The following SLC30A8 variants were observed in gnomAD, a reference collection of about 807,000 sequenced individuals.
The protein encoded by SLC30A8 is proton-coupled zinc antiporter SLC30A8.
In SLC30A8, 27 loss-of-function variants were observed where a neutral mutation model predicts 36.9. That is an observed-to-expected ratio of 0.73 (90% CI 0.54 to 1.01). The LOEUF is 1.01. Ranked by LOEUF, SLC30A8 falls within the 50% of genes least tolerant of loss-of-function variation. The probability of loss-of-function intolerance (pLI) is 0.00; values close to 1 mark genes in which losing one functional copy is unlikely to be tolerated. For synonymous variants in SLC30A8, 164 were observed against 172.4 expected, an observed-to-expected ratio of 0.95 and a Z score of 0.38; for missense variants, 439 against 452.0, an observed-to-expected ratio of 0.97 and a Z score of 0.26.
intron 1 of SLC30A8, among the ~76,000 whole-genome samples, chr8:116,978,943 A>T (rs1355126107): frequency 1.4e-4 from 20 of 144,230 alleles, no homozygotes; most frequent in African/African-American, 3.1e-4. Context: ...TTTTTTTTTT[A>T]AATCATAAGG....
intron 1 of SLC30A8, among the ~76,000 whole-genome samples, chr8:116,987,670 C>T (rs1373076488): frequency 6.6e-6 from 1 of 151,706 alleles, no homozygotes; most frequent in African/African-American, 2.4e-5. Context: ...GAAGTGTGTC[C>T]TTAATACTTT....
At chr8:116,952,236 TATC>T (rs1377288800) in intron 1 of SLC30A8, among the ~76,000 whole-genome samples, 2 of 152,308 alleles carry the variant, frequency 1.3e-5, no homozygotes, top group Non-Finnish European at 2.9e-5. Flanking sequence ...GAGGTGGACA[TATC>T]ATGACAGGCC....
At chr8:117,012,414 T>G (rs1338042579) in intron 1 of SLC30A8, among the ~76,000 whole-genome samples, 2 of 151,750 alleles carry the variant, frequency 1.3e-5, no homozygotes, top group African/African-American at 4.8e-5. Context: ...ATTGAAAATA[T>G]TAAAAAAAAA....
intron 2 of SLC30A8, among the ~76,000 whole-genome samples, chr8:117,107,270 A>C (rs1820035611): frequency 6.6e-6 from 1 of 152,178 alleles, no homozygotes; most frequent in Non-Finnish European, 1.5e-5. Context: ...TATAATATCA[A>C]AGTATTAAAT....
chr8:117,155,709 A>T (rs546755347), intron 3 of SLC30A8, among the ~76,000 whole-genome samples: 1 of 152,296 alleles, frequency 6.6e-6, no homozygotes, highest in South Asian at 2.1e-4. Flanking sequence ...ACAGACATTT[A>T]TTGTCTCACA....
chr8:116,987,627 G>GA (rs201546342), intron 1 of SLC30A8, among the ~76,000 whole-genome samples: 9,319 of 144,906 alleles, frequency 0.064, 697 homozygotes, highest in African/African-American at 0.19. Context: ...TACCAAAAAA[G>GA]AAAAAAAAAA....
In SLC30A8 at chr8:117,176,610, T is replaced by A. The variant is rs1362838973; in HGVS notation, c.*3929T>A. The A allele has an allele frequency of 3.9e-5, 6 of 152,538 alleles. No homozygotes were observed. In the Admixed American group the frequency reaches 3.9e-4, roughly 10 times the overall value. The allele number at this position is 152,538 out of a possible 1,614,324, so 9.4% of individuals were successfully genotyped here. On this transcript the variant is annotated 3_prime_UTR_variant, in exon 8 of 8. Coordinates refer to ENST00000456015, the MANE Select transcript of SLC30A8 (RefSeq NM_173851.3). ...CATCTGCGGTTTAGTTTTTTAACTT[T>A]CTGATTTCACACTTAACGTCTGTCA... is the stretch of plus-strand genomic sequence containing the variant.
intron 2 of SLC30A8, among the ~76,000 whole-genome samples, chr8:117,098,700 G>A (rs1260310943): frequency 1.3e-5 from 2 of 152,122 alleles, no homozygotes; most frequent in African/African-American, 4.8e-5. Context: ...ACAAAGAAAT[G>A]CCAAATAAAG....
intron 2 of SLC30A8, among the ~76,000 whole-genome samples, chr8:117,120,949 G>A (rs1209993087): frequency 6.6e-6 from 1 of 151,802 alleles, no homozygotes; most frequent in South Asian, 2.1e-4. Flanking sequence ...CCTCACACCT[G>A]TTAGGATGGC....
chr8:116,958,104 ATGT>A (rs1383878724), intron 1 of SLC30A8, among the ~76,000 whole-genome samples: 2 of 152,134 alleles, frequency 1.3e-5, no homozygotes, highest in African/African-American at 4.8e-5. Context: ...TCTTCAACTG[ATGT>A]TGAACACATT....
intron 1 of SLC30A8, among the ~76,000 whole-genome samples, chr8:117,012,010 A>T (rs755616537): frequency 2.3e-4 from 35 of 152,152 alleles, no homozygotes; most frequent in Non-Finnish European, 3.7e-4. Context: ...TGAGGATAGA[A>T]ATTTTGTGTA....
At chr8:117,119,916 A>G (rs1820618437) in intron 2 of SLC30A8, among the ~76,000 whole-genome samples, 2 of 151,952 alleles carry the variant, frequency 1.3e-5, no homozygotes, top group Non-Finnish European at 2.9e-5. Context: ...ACTTAGGAAT[A>G]AACCAGAGGT....
At chr8:116,950,330 A>G, upstream of SLC30A8, 1 of 153,888 alleles carries the variant, frequency 6.5e-6, no homozygotes, top group Non-Finnish European at 1.4e-5. Context: ...TACTGAAGGA[A>G]GGCTTGTTGG....
chr8:117,174,515 C>T lies in SLC30A8; in HGVS notation c.*1834C>T, dbSNP rs1823570641. On this transcript the variant is annotated 3_prime_UTR_variant, in exon 8 of 8. Transcript: ENST00000456015. ...AGAGCTGCTCAGGTTCCCAACGTCT[C>T]CTGCCACATCGGGTTCTCAAAATGG... 1 of 152,650 alleles carries T rather than the reference C, an allele frequency of 6.6e-6. No homozygotes were observed. Among genetic ancestry groups the T allele is most frequent in the African/African-American group, 2.4e-5 (1 of 41,556 alleles). 9.5% of individuals were successfully genotyped at this position (152,650 alleles called of 1,614,324 possible).
intron 2 of SLC30A8, among the ~76,000 whole-genome samples, chr8:117,058,576 G>T (rs7833734): frequency 0.32 from 49,034 of 151,974 alleles, 8,672 homozygotes; most frequent in African/African-American, 0.48. Context: ...ATATTAATTT[G>T]TGGGGGCATG....
At chr8:117,075,826 G>C (rs537384079) in intron 2 of SLC30A8, among the ~76,000 whole-genome samples, 2 of 152,168 alleles carry the variant, frequency 1.3e-5, no homozygotes, top group Admixed American at 6.5e-5. Context: ...GGGTGTAGAA[G>C]TTCCTCTATG....
rs1344374371 is a variant in SLC30A8, at chr8:117,175,975, GA to G, written c.*3295del. On this transcript the variant is annotated 3_prime_UTR_variant, in exon 8 of 8. Transcript: ENST00000456015. ...TGAAGAGCAGAATTGTCACTCCAAG[GA>G]CATTTATTAATAAAAAGAACAACTG... 2 of 151,982 alleles carry G rather than the reference GA, an allele frequency of 1.3e-5. No homozygotes were observed. The highest frequency in any genetic ancestry group is 2.9e-5 in the Non-Finnish European group (2 of 67,974). 9.4% of individuals were successfully genotyped at this position (151,982 alleles called of 1,614,324 possible). A position where few individuals can be genotyped will look rare whatever the true frequency, so the allele number is the denominator to read the frequency against.
intron 2 of SLC30A8, among the ~76,000 whole-genome samples, chr8:117,085,732 T>C (rs1323496975): frequency 6.6e-6 from 1 of 152,190 alleles, no homozygotes; most frequent in Admixed American, 6.5e-5. Context: ...TATCTTATAA[T>C]GGGGGAAATT....
intron 2 of SLC30A8, among the ~76,000 whole-genome samples, chr8:117,088,148 C>T (rs1339295423): frequency 6.6e-6 from 1 of 151,934 alleles, no homozygotes; most frequent in East Asian, 1.9e-4. Flanking sequence ...ATCCAGAAAG[C>T]CAAGAAAGAA....
Sources: gnomAD v4.1 joint callset for allele counts (sites outside exome capture counted in the v4.1 genomes callset) on GRCh38, gnomAD v4.1.1 for gene constraint, MANE v1.5 for transcripts, NCBI Gene and HGNC (gene_info 2026-07-23, HGNC 2026-07-21) for gene names.